Variants in ITPR1 observed in about 807,000 individuals in gnomAD.
ITPR1 encodes inositol 1,4,5-trisphosphate-gated calcium channel ITPR1.
In ITPR1, 96 loss-of-function variants were observed where a neutral mutation model predicts 318.4. The observed-to-expected ratio is 0.30, with a 90% CI of 0.26 to 0.36. The LOEUF (loss-of-function observed/expected upper bound fraction) is 0.36. Among genes scored for constraint, ITPR1 ranks in the 10% least tolerant of loss-of-function variants. The pLI is 1.00. For synonymous variants in ITPR1, 1,312 were observed against 1,289.9 expected (o/e 1.02, Z -0.37); for missense variants, 2,440 against 3,460.2 (o/e 0.71, Z 7.40).
chr3:4,517,055 T>C (rs2082221123), intron 3 of ITPR1, among the ~76,000 whole-genome samples: 2 of 152,222 alleles, frequency 1.3e-5, no homozygotes, highest in Admixed American at 6.5e-5. Context: ...CTATTTTACA[T>C]TGCTGTATGC....
At chr3:4,827,354 G>A (rs1679387629) in intron 60 of ITPR1, among the ~76,000 whole-genome samples, 1 of 152,194 alleles carries the variant, frequency 6.6e-6, no homozygotes, top group Non-Finnish European at 1.5e-5. Context: ...TGAGAAGTGT[G>A]TCACCATAAA....
At chr3:4,770,868 G>A (rs2046141878) in intron 46 of ITPR1, among the ~76,000 whole-genome samples, 1 of 152,116 alleles carries the variant, frequency 6.6e-6, no homozygotes, top group Admixed American at 6.5e-5. Flanking sequence ...CCCTGACATT[G>A]TCCACCCTCC....
chr3:4,529,507 A>C (rs2083246592), intron 4 of ITPR1, among the ~76,000 whole-genome samples: 1 of 152,188 alleles, frequency 6.6e-6, no homozygotes. Context: ...GCATTGATGA[A>C]GATGTGTGGT....
intron 53 of ITPR1, among the ~76,000 whole-genome samples, chr3:4,796,520 C>T (rs2047909795): frequency 6.6e-6 from 1 of 152,176 alleles, no homozygotes; most frequent in Non-Finnish European, 1.5e-5. Flanking sequence ...TTGTCATGTT[C>T]CTCACGGCAG....
chr3:4,605,142 T>A (rs2091611896), intron 4 of ITPR1, among the ~76,000 whole-genome samples: 1 of 152,098 alleles, frequency 6.6e-6, no homozygotes, highest in African/African-American at 2.4e-5. Context: ...TAGCTAATGT[T>A]TTACATTTTT....
At chr3:4,560,479 C>G (rs1165812526) in intron 4 of ITPR1, among the ~76,000 whole-genome samples, 1 of 151,970 alleles carries the variant, frequency 6.6e-6, no homozygotes, top group Admixed American at 6.5e-5. Context: ...GAAGGAAAAA[C>G]CAAATTGAAT....
intron 44 of ITPR1, among the ~76,000 whole-genome samples, chr3:4,736,179 G>A (rs548953655): frequency 1.2e-3 from 174 of 150,052 alleles, no homozygotes; most frequent in Non-Finnish European, 1.6e-3. Context: ...GTACAGACTC[G>A]TGTACACATA....
At position 4,726,341 on chromosome 3, in the gene ITPR1, T is replaced by TA. The variant is rs11294154; in HGVS notation, c.5173-769dup. On this transcript the variant is annotated intron_variant, in intron 41 of 61. Coordinates refer to ENST00000649015, the MANE Select transcript of ITPR1 (RefSeq NM_001378452.1). The stretch of plus-strand genomic sequence containing the variant: ...CTCTGCGCCCAGCCTATGATGCAGT[T>TA]AAAAAAAAAAAAAAAATCTATCCTC... 6.9e-3 allele frequency among the ~76,000 whole-genome samples: 1,008 copies of TA among 146,286 alleles called. 13 individuals are homozygous for TA. Among genetic ancestry groups the TA allele is most frequent in the African/African-American group, 0.019 (738 of 39,300 alleles).
chr3:4,543,863 A>G (rs886951763), intron 4 of ITPR1, among the ~76,000 whole-genome samples: 2 of 152,224 alleles, frequency 1.3e-5, no homozygotes, highest in Non-Finnish European at 2.9e-5. Context: ...GCAATATCTT[A>G]TGTAGTGAAA....
intron 39 of ITPR1, among the ~76,000 whole-genome samples, chr3:4,714,708 C>G (rs567426216): frequency 6.4e-4 from 97 of 152,294 alleles, no homozygotes; most frequent in African/African-American, 2.3e-3. Context: ...GACGTAGGTA[C>G]CTTTACCCAT....
intron 58 of ITPR1, 62 bp from the exon 59 acceptor site, chr3:4,814,991 A>G: frequency 7.1e-7 from 1 of 1,401,722 alleles, no homozygotes; most frequent in Non-Finnish European, 9.8e-7. Flanking sequence ...GCTGTGCCCC[A>G]GGCTCCGCAG....
intron 60 of ITPR1, among the ~76,000 whole-genome samples, chr3:4,835,233 G>A (rs1166320607): frequency 1.3e-5 from 2 of 151,900 alleles, no homozygotes; most frequent in East Asian, 1.9e-4. Flanking sequence ...TTGCTAGATG[G>A]CCCTAGGTCA....
At chr3:4,843,877 C>T (rs1235333648) in intron 61 of ITPR1, among the ~76,000 whole-genome samples, 2 of 152,150 alleles carry the variant, frequency 1.3e-5, no homozygotes, top group Non-Finnish European at 2.9e-5. Context: ...TCAGAGGTTT[C>T]TTCAAGTTGA....
chr3:4,777,230 G>A (rs747598190), intron 47 of ITPR1, 34 bp from the exon 48 acceptor site: 31 of 1,314,938 alleles, frequency 2.4e-5, no homozygotes, highest in South Asian at 6.3e-5. Context: ...TATGACCAGC[G>A]TTTGTGTGAA....
At chr3:4,840,910 G>A (rs544537631) in intron 61 of ITPR1, among the ~76,000 whole-genome samples, 2 of 152,212 alleles carry the variant, frequency 1.3e-5, no homozygotes, top group African/African-American at 4.8e-5. Flanking sequence ...CTATAGGACA[G>A]CGACCATTAT....
In ITPR1 at chr3:4,779,740, G is replaced by A; in HGVS notation, c.6387+95G>A. ...ATCTGCTTCCTGGAGCTTTCTTGAA[G>A]GTTCCCAAAGTCAGAAGTATAAAGG... On this transcript the variant is annotated intron_variant, in intron 49 of 61. Coordinates refer to ENST00000649015, the MANE Select transcript of ITPR1 (RefSeq NM_001378452.1). This position sits in a 1 kb window ranked among gnomAD's most constrained non-coding sequence, Gnocchi z 4.0. 2 of 802,374 alleles carry A rather than the reference G, an allele frequency of 2.5e-6. No homozygotes were observed. The highest frequency in any genetic ancestry group is 2.1e-6 in the Non-Finnish European group (1 of 475,882). The allele number at this position is 802,374 out of a possible 1,614,324, so 49.7% of individuals were successfully genotyped here. A position where few individuals can be genotyped will look rare whatever the true frequency, so the allele number is the denominator to read the frequency against.
chr3:4,670,101 G>C (rs1040366555), intron 19 of ITPR1, among the ~76,000 whole-genome samples: 2 of 152,166 alleles, frequency 1.3e-5, no homozygotes, highest in African/African-American at 4.8e-5. Context: ...ATGACATAAT[G>C]AATATTCAGT....
At chr3:4,547,720 T>C (rs1680179777) in intron 4 of ITPR1, among the ~76,000 whole-genome samples, 1 of 152,152 alleles carries the variant, frequency 6.6e-6, no homozygotes, top group South Asian at 2.1e-4. Flanking sequence ...ACCCCCTTCA[T>C]ATGCAGTTAC....
chr3:4,794,190 G>C (rs1011097300), intron 52 of ITPR1, among the ~76,000 whole-genome samples: 2 of 152,206 alleles, frequency 1.3e-5, no homozygotes, highest in Non-Finnish European at 2.9e-5. Context: ...TAAGTGTAAA[G>C]CACCACTGAA....
Sources: gnomAD v4.1 joint callset for allele counts (sites outside exome capture counted in the v4.1 genomes callset) on GRCh38, gnomAD v4.1.1 for gene constraint, Gnocchi (gnomAD v3.1) non-coding constraint, MANE v1.5 for transcripts, NCBI Gene and HGNC (gene_info 2026-07-23, HGNC 2026-07-21) for gene names.